Variants in TUT4 observed in about 807,000 individuals in gnomAD.
TUT4 encodes terminal uridylyltransferase 4.
Under a neutral mutation model 192.2 loss-of-function variants are expected in TUT4, and 36 were observed. The observed-to-expected ratio is 0.19, with a 90% CI of 0.14 to 0.25. The LOEUF is 0.25. TUT4 is among the 10% of genes least tolerant of loss of function. The pLI, the probability that TUT4 is intolerant of heterozygous loss-of-function variation, is 1.00. For missense variants in TUT4, 1,493 were observed against 1,957.2 expected (o/e 0.76, Z 4.47); for synonymous variants, 618 against 666.0 (o/e 0.93, Z 1.11).
chr1:52,494,856 A>G (rs1361263845), intron 6 of TUT4, among the ~76,000 whole-genome samples: 1 of 152,178 alleles, frequency 6.6e-6, no homozygotes, highest in African/African-American at 2.4e-5. Context: ...TGATATGTCA[A>G]TAAAGAATGT....
intron 4 of TUT4, among the ~76,000 whole-genome samples, chr1:52,504,463 C>G (rs1326233087): frequency 2.0e-5 from 3 of 152,090 alleles, no homozygotes; most frequent in Admixed American, 6.6e-5. Context: ...AACCCCGTCT[C>G]TACTAAAAAT....
At position 52,516,960 on chromosome 1, in the gene TUT4, T is replaced by C. The variant is rs939924714; in HGVS notation, c.719-906A>G. ...AAGAAAAAAATCTAGCTAACTTACCTGTAACTCCAACCTCAGATCTTGCCA... is the reference window on the plus strand; with the variant it reads ...AAGAAAAAAATCTAGCTAACTTACCCGTAACTCCAACCTCAGATCTTGCCA... On this transcript the variant is annotated intron_variant, in intron 2 of 29. Coordinates refer to ENST00000257177, the MANE Select transcript of TUT4 (RefSeq NM_001009881.3). Among the ~76,000 whole-genome samples, 3 of 152,188 alleles carry C rather than the reference T, an allele frequency of 2.0e-5. No individual in the cohort carries two copies. The East Asian group carries it at 5.8e-4, about 29-fold the overall frequency.
chr1:52,449,350 G>T (rs566379091), intron 20 of TUT4, among the ~76,000 whole-genome samples: 1 of 152,156 alleles, frequency 6.6e-6, no homozygotes, highest in African/African-American at 2.4e-5. Context: ...CCAGGCTGGA[G>T]TGCAGTGGCA....
At chr1:52,548,082 CAT>C (rs1168934659) in intron 1 of TUT4, among the ~76,000 whole-genome samples, 1 of 152,104 alleles carries the variant, frequency 6.6e-6, no homozygotes, top group East Asian at 1.9e-4. Context: ...AAAGTCTTCA[CAT>C]GTCACCCCAG....
chr1:52,454,742 CTGCTCTGCAAAAGACAACGTCAAGGGAA>C (rs1660382322), intron 20 of TUT4, among the ~76,000 whole-genome samples: 1 of 152,152 alleles, frequency 6.6e-6, no homozygotes. Flanking sequence ...TTAAAATTTT[CTGCTCTGCAAAAGACAACGTCAAGGGAA>C]TGAAAAAACA....
At chr1:52,465,218 A>G (rs767160601) in intron 15 of TUT4, 45 bp from the exon 16 acceptor site, 11 of 1,439,168 alleles carry the variant, frequency 7.6e-6, no homozygotes, top group South Asian at 6.0e-5. Flanking sequence ...ATAAGCAGAG[A>G]GGAGGAGTCT....
chr1:52,451,053 C>A (rs1238364617), intron 20 of TUT4, among the ~76,000 whole-genome samples: 1 of 151,952 alleles, frequency 6.6e-6, no homozygotes, highest in African/African-American at 2.4e-5. Context: ...GTCACAAGGT[C>A]AGGAGATCGA....
chr1:52,509,781 T>G, intron 3 of TUT4, 69 bp from the exon 4 acceptor site: 1 of 877,470 alleles, frequency 1.1e-6, no homozygotes, highest in East Asian at 2.4e-5. Context: ...ACTATATAAG[T>G]GAATAATACA....
intron 1 of TUT4, among the ~76,000 whole-genome samples, chr1:52,544,055 G>A (rs982639252): frequency 1.1e-4 from 16 of 151,768 alleles, no homozygotes; most frequent in South Asian, 2.1e-4. Flanking sequence ...TCGGGAGGCC[G>A]AGGCAGGCAG....
intron 20 of TUT4, among the ~76,000 whole-genome samples, chr1:52,455,317 T>C (rs1660567973): frequency 6.6e-6 from 1 of 151,818 alleles, no homozygotes; most frequent in African/African-American, 2.4e-5. Context: ...AAACAAAATA[T>C]TAGATTGAAG....
At chr1:52,484,070 CAG>C (rs1396409143) in intron 9 of TUT4, among the ~76,000 whole-genome samples, 6 of 151,962 alleles carry the variant, frequency 3.9e-5, no homozygotes, top group Non-Finnish European at 5.9e-5. Context: ...AAAAATATGC[CAG>C]GCACAGTGGC....
chr1:52,550,157 T>C (rs1031129794), intron 1 of TUT4, among the ~76,000 whole-genome samples: 1 of 152,158 alleles, frequency 6.6e-6, no homozygotes, highest in East Asian at 1.9e-4. Context: ...ATGATGGTTT[T>C]TAAACATTTC....
At chr1:52,495,686 T>C (rs1471715068) in intron 5 of TUT4, among the ~76,000 whole-genome samples, 171 bp from the exon 6 acceptor site, 2 of 152,102 alleles carry the variant, frequency 1.3e-5, no homozygotes, top group African/African-American at 4.8e-5. Context: ...AAAAAAATGG[T>C]TCCCAGTTAT....
At position 52,436,805 on chromosome 1, in the gene TUT4, C is replaced by T. The variant is rs763179972; in HGVS notation, c.4112G>A (p.Arg1371Lys). The change falls in exon 26 of 30, where the codon AGG becomes AAG. Residue 1371 changes from arginine (R) to lysine (K), a missense_variant. Coordinates refer to ENST00000257177, the MANE Select transcript of TUT4 (RefSeq NM_001009881.3). The stretch of plus-strand genomic sequence containing the variant: ...GGCCAGCTTGACCTCTGGGCACTCC[C>T]TTCGTACATGTCCAGCATCTCCACA... ...FICGDAGHVRRECPEVKLARQ... is the reference protein window; with the variant it reads ...FICGDAGHVRKECPEVKLARQ... 3 of 1,613,840 alleles carry T rather than the reference C, an allele frequency of 1.9e-6. No homozygotes were observed. Among genetic ancestry groups the T allele is most frequent in the East Asian group, 4.5e-5 (2 of 44,848 alleles).
intron 3 of TUT4, among the ~76,000 whole-genome samples, chr1:52,512,668 T>C (rs1331132395): frequency 1.3e-5 from 2 of 152,270 alleles, no homozygotes; most frequent in East Asian, 3.8e-4. Context: ...TTTATTCTAC[T>C]GTTAAATAAA....
intron 7 of TUT4, among the ~76,000 whole-genome samples, chr1:52,492,057 T>A (rs1017296460): frequency 2.0e-5 from 3 of 152,192 alleles, no homozygotes; most frequent in African/African-American, 7.2e-5. Flanking sequence ...AAGGCATATA[T>A]TAAATATTTG....
In TUT4 at chr1:52,431,026, T is replaced by C. The variant is rs144586809; in HGVS notation, c.4698A>G (p.Ala1566=). The change falls in exon 28 of 30, where the codon GCA becomes GCG. Residue 1566 remains alanine, a synonymous_variant. Transcript: ENST00000257177. ...VAPNSLVNSG[A]VGNSEPGFRG... The stretch of plus-strand genomic sequence containing the variant: ...AGGAAAGGTTACCTGAATTCCCCAC[T>C]GCACCACTGTTTACCAGGGAATTTG... 8.6e-5 allele frequency: 136 copies of C among 1,590,102 alleles called. No individual in the cohort carries two copies. Among genetic ancestry groups the C allele is most frequent in the East Asian group, 2.3e-5 (1 of 44,312 alleles).
At chr1:52,546,907 G>A (rs1688220965) in intron 1 of TUT4, among the ~76,000 whole-genome samples, 1 of 151,976 alleles carries the variant, frequency 6.6e-6, no homozygotes, top group Admixed American at 6.6e-5. Context: ...TGAGGAAGGA[G>A]GATCATTTGA....
intron 16 of TUT4, chr1:52,461,997 C>T (rs537196598): frequency 5.1e-5 from 18 of 352,466 alleles, no homozygotes; most frequent in Non-Finnish European, 7.7e-5. Context: ...TCATAATCTG[C>T]ATTTTAACAG....
Sources: gnomAD v4.1 joint callset for allele counts (sites outside exome capture counted in the v4.1 genomes callset) on GRCh38, gnomAD v4.1.1 for gene constraint, MANE v1.5 for transcripts, NCBI Gene and HGNC (gene_info 2026-07-23, HGNC 2026-07-21) for gene names.